Variants in NFRKB observed in about 807,000 individuals in gnomAD.
NFRKB encodes nuclear factor related to kappaB binding protein.
In NFRKB, 62 loss-of-function variants were observed where a neutral mutation model predicts 135.7. The observed-to-expected ratio is 0.46, with a 90% confidence interval of 0.37 to 0.56. The LOEUF is 0.56. Among genes scored for constraint, NFRKB ranks in the 20% least tolerant of loss-of-function variants. NFRKB has a pLI of 0.00. For synonymous variants in NFRKB, 678 were observed against 635.6 expected, an observed-to-expected ratio of 1.07 and a Z score of -1.00; for missense variants, 1,545 against 1,662.0, an observed-to-expected ratio of 0.93 and a Z score of 1.22.
intron 7 of NFRKB, 143 bp from the exon 8 acceptor site, chr11:129,884,286 T>C: frequency 1.2e-6 from 1 of 807,194 alleles, no homozygotes; most frequent in Non-Finnish European, 2.1e-6. Context: ...AGTCACAGGA[T>C]CGACACTTCC....
At position 129,874,298 on chromosome 11, in the gene NFRKB, A is replaced by G; in HGVS notation, c.2094T>C (p.Leu698=). ...SSSKESSIKV[L]SSGPSEQSQM... is the part of the protein sequence containing the mutation. ...GGCTCTGCTCAGAAGGGCCACTGCT[A>G]AGGACCTTTATGGAGCTCTCCTTGC... is the stretch of plus-strand genomic sequence containing the variant. Residue 698 remains leucine (L), a synonymous_variant, in exon 21 of 27, where the codon CTT becomes CTC. Coordinates refer to ENST00000682444, the MANE Select transcript of NFRKB (RefSeq NM_001143835.2). The surrounding 1 kb of genome is among the most constrained non-coding windows in gnomAD (Gnocchi z 4.5). 6.6e-7 allele frequency: 1 copy of G among 1,517,530 alleles called. No homozygotes were observed. Among genetic ancestry groups the G allele is most frequent in the South Asian group, 1.4e-5 (1 of 73,896 alleles). 94.0% of individuals were successfully genotyped at this position (1,517,530 alleles called of 1,614,324 possible).
intron 23 of NFRKB, 99 bp from the exon 24 acceptor site, chr11:129,870,360 ATT>A: frequency 7.1e-6 from 9 of 1,274,478 alleles, no homozygotes; most frequent in South Asian, 3.1e-5. Flanking sequence ...GATGTTTTGT[ATT>A]TTTTTTTTAA....
Position 129,882,194 on chromosome 11 carries a change from C to A in NFRKB, c.1083G>T (p.Glu361Asp), listed in dbSNP as rs1949060435. The A allele has an allele frequency of 1.3e-6, 2 of 1,596,178 alleles. No homozygotes were observed. Among genetic ancestry groups the A allele is most frequent in the Non-Finnish European group, 1.7e-6 (2 of 1,174,974 alleles). ...SPLAIPAIKEEPLEDLKPCLG... is the reference protein window; with the variant it reads ...SPLAIPAIKEDPLEDLKPCLG... The stretch of plus-strand genomic sequence containing the variant: ...GGCAAGGCTTGAGGTCTTCAAGGGG[C>A]CTAATGAGGGAAGAAAAATATAAGA... The change falls in exon 11 of 27, where the codon GAG (glutamate) becomes GAT (aspartate). Residue 361 changes from glutamate (E) to aspartate (D), a missense_variant and splice_region_variant. Glu to Asp is a conservative substitution (Grantham distance 45). This residue lies in a region of NFRKB where 678 missense variants were observed against 646.7 expected (regional missense o/e 1.05). Transcript: ENST00000682444.
chr11:129,869,991 C>T lies in NFRKB; in HGVS notation c.3034G>A (p.Val1012Ile), dbSNP rs1200100663. 1.2e-6 allele frequency: 2 copies of T among 1,614,212 alleles called. No individual in the cohort carries two copies. Among genetic ancestry groups the T allele is most frequent in the Middle Eastern group, 1.6e-4 (1 of 6,062 alleles). Residue 1012 changes from valine to isoleucine, a missense_variant, in exon 24 of 27, where the codon GTC becomes ATC. Val to Ile is a conservative substitution (Grantham distance 29). This residue lies in a region of NFRKB where 753 missense variants were observed against 804.3 expected (regional missense o/e 0.94). Coordinates refer to ENST00000682444, the MANE Select transcript of NFRKB (RefSeq NM_001143835.2). ...TGKGISATLH[V>I]TSNPVHAADS... ...GCTGCATGTACTGGATTGGAAGTGACGTGTAAGGTGGCAGAGATGCCTTTG... is the reference window on the plus strand; with the variant it reads ...GCTGCATGTACTGGATTGGAAGTGATGTGTAAGGTGGCAGAGATGCCTTTG...
In NFRKB at chr11:129,864,738, G is replaced by C; in HGVS notation, c.3887C>G (p.Pro1296Arg). 14 of 1,614,218 alleles carry C rather than the reference G, an allele frequency of 8.7e-6. No homozygotes were observed. Among genetic ancestry groups the C allele is most frequent in the Non-Finnish European group, 1.2e-5 (14 of 1,180,042 alleles). ...VTTAPSPKQA[P>R]EQQ Reference sequence around the variant, plus strand: ...CCTCTCTCATAATCATTGTTGCTCAGGTGCCTGTTTAGGAGACGGAGCTGT... The same window carrying C: ...CCTCTCTCATAATCATTGTTGCTCACGTGCCTGTTTAGGAGACGGAGCTGT... The change falls in exon 27 of 27, where the codon CCT (proline) becomes CGT (arginine). Residue 1296 changes from proline to arginine, a missense_variant. By Grantham distance (103) the Pro-to-Arg change is moderately radical. Coordinates refer to ENST00000682444, the MANE Select transcript of NFRKB (RefSeq NM_001143835.2).
intron 24 of NFRKB, among the ~76,000 whole-genome samples, chr11:129,868,452 C>T (rs146513893): frequency 6.6e-6 from 1 of 152,304 alleles, no homozygotes; most frequent in African/African-American, 2.4e-5. Flanking sequence ...TGCTTAAGGT[C>T]TAGGGGAAAC....
intron 24 of NFRKB, among the ~76,000 whole-genome samples, chr11:129,867,925 A>T (rs1367031083): frequency 6.6e-6 from 1 of 152,190 alleles, no homozygotes; most frequent in African/African-American, 2.4e-5. Context: ...ATAGTTGATT[A>T]TTTTGGCAAA....
chr11:129,864,198 A>C lies in NFRKB; in HGVS notation c.*527T>G, dbSNP rs1331676070. Reference sequence around the variant, plus strand: ...TGCCATTTTCTCATTCTAGTCAAAAAAGTAAGTCATCGGTTTAGTGGAGGG... The same window carrying C: ...TGCCATTTTCTCATTCTAGTCAAAACAGTAAGTCATCGGTTTAGTGGAGGG... On this transcript the variant is annotated 3_prime_UTR_variant, in exon 27 of 27. Coordinates refer to ENST00000682444, the MANE Select transcript of NFRKB (RefSeq NM_001143835.2). 6.6e-6 allele frequency: 1 copy of C among 152,622 alleles called. No homozygotes were observed. The highest frequency in any genetic ancestry group is 2.1e-4 in the South Asian group (1 of 4,842). 9.5% of individuals were successfully genotyped at this position (152,622 alleles called of 1,614,324 possible).
chr11:129,875,403 A>C lies in NFRKB; in HGVS notation c.1808T>G (p.Leu603Arg). 2 of 1,613,480 alleles carry C rather than the reference A, an allele frequency of 1.2e-6. No individual in the cohort carries two copies. The highest frequency in any genetic ancestry group is 1.7e-6 in the Non-Finnish European group (2 of 1,179,882). ...GEGTRAEICE[L>R]LKDSQFLAPD... The stretch of plus-strand genomic sequence containing the variant: ...TGCAAGAAACTGGGAGTCCTTAAGC[A>C]GTTCACAGATCTCTGCCCGTGTGCC... The change falls in exon 18 of 27, where the codon CTG becomes CGG. Residue 603 changes from leucine to arginine, a missense_variant. Leu to Arg is a moderately radical substitution (Grantham distance 102). Coordinates refer to ENST00000682444, the MANE Select transcript of NFRKB (RefSeq NM_001143835.2).
In NFRKB at chr11:129,874,484, C is replaced by A; in HGVS notation, c.2058+17G>T. 6.2e-7 allele frequency: 1 copy of A among 1,611,544 alleles called. No individual in the cohort carries two copies. On this transcript the variant is annotated intron_variant, in intron 20 of 26. Transcript: ENST00000682444. The surrounding 1 kb of genome is among the most constrained non-coding windows in gnomAD (Gnocchi z 4.5). ...TCCCAGAATCCCTAGGGCAGACACTCTCCTGAAGTCACTTACCACCTTGGA... is the reference window on the plus strand; with the variant it reads ...TCCCAGAATCCCTAGGGCAGACACTATCCTGAAGTCACTTACCACCTTGGA...
intron 3 of NFRKB, among the ~76,000 whole-genome samples, chr11:129,889,603 T>C (rs1210344281): frequency 2.2e-5 from 3 of 135,238 alleles, no homozygotes; most frequent in Non-Finnish European, 5.0e-5. Context: ...GGCATATATA[T>C]GGTCTGAGGT....
At chr11:129,879,856 T>C (rs1214371363) in intron 13 of NFRKB, among the ~76,000 whole-genome samples, 1 of 152,212 alleles carries the variant, frequency 6.6e-6, no homozygotes, top group Non-Finnish European at 1.5e-5. Context: ...CTACTGTCTA[T>C]TCAACAACTC....
In NFRKB at chr11:129,876,879, C is replaced by T; in HGVS notation, c.1589G>A (p.Ser530Asn). ...AAAGGTGAACGCCTTATGGGGTTGG[C>T]TATACCTGTAACGCTCCTACCAAGA... is the stretch of plus-strand genomic sequence containing the variant. Reference protein sequence around the residue: ...VFQEQERYRYSQPHKAFTFRM... With the variant: ...VFQEQERYRYNQPHKAFTFRM... Residue 530 changes from serine to asparagine, a missense_variant, in exon 17 of 27, where the codon AGC becomes AAC. Physicochemically the swap from Ser to Asn is conservative, Grantham distance 46. This residue lies in a region of NFRKB where 114 missense variants were observed against 211.0 expected (regional missense o/e 0.54). Coordinates refer to ENST00000682444, the MANE Select transcript of NFRKB (RefSeq NM_001143835.2). 6.2e-7 allele frequency: 1 copy of T among 1,613,972 alleles called. No individual in the cohort carries two copies.
chr11:129,890,800 G>A (rs1949526092), intron 3 of NFRKB, among the ~76,000 whole-genome samples: 1 of 152,156 alleles, frequency 6.6e-6, no homozygotes, highest in African/African-American at 2.4e-5. Flanking sequence ...CCATCCCAGG[G>A]CACGTACCAT....
chr11:129,864,682 C>T lies in NFRKB; in HGVS notation c.*43G>A, dbSNP rs1470073224. 2 of 1,612,856 alleles carry T rather than the reference C, an allele frequency of 1.2e-6. No homozygotes were observed. Among genetic ancestry groups the T allele is most frequent in the Non-Finnish European group, 1.7e-6 (2 of 1,179,618 alleles). ...CTCCCTGGTCCCTTCTCAGCCAGGA[C>T]AGACCAGGCATGGTCTTTCACGGAA... On this transcript the variant is annotated 3_prime_UTR_variant, in exon 27 of 27. Transcript: ENST00000682444.
Position 129,870,005 on chromosome 11 carries a change from G to C in NFRKB, c.3020C>G (p.Ser1007Cys). ...ATTGGAAGTGACGTGTAAGGTGGCA[G>C]AGATGCCTTTGCCTGTAGTGTTGCC... is the stretch of plus-strand genomic sequence containing the variant. ...TGGNTTGKGISATLHVTSNPV... is the reference protein window; with the variant it reads ...TGGNTTGKGICATLHVTSNPV... The change falls in exon 24 of 27, where the codon TCT becomes TGT. Residue 1007 changes from serine to cysteine, a missense_variant. Ser to Cys is a moderately radical substitution (Grantham distance 112). Transcript: ENST00000682444. 1 of 1,614,282 alleles carries C rather than the reference G, an allele frequency of 6.2e-7. No individual in the cohort carries two copies. The highest frequency in any genetic ancestry group is 8.5e-7 in the Non-Finnish European group (1 of 1,180,052).
At chr11:129,868,649 C>A (rs1174925396) in intron 24 of NFRKB, among the ~76,000 whole-genome samples, 1 of 152,216 alleles carries the variant, frequency 6.6e-6, no homozygotes, top group Admixed American at 6.5e-5. Context: ...TTTAGCAGAG[C>A]CCCTTCTACC....
chr11:129,885,511 G>A lies in NFRKB; in HGVS notation c.564C>T (p.Thr188=). 1 of 1,614,120 alleles carries A rather than the reference G, an allele frequency of 6.2e-7. No homozygotes were observed. ...TTAAGACCTTCAAGTAGCGCTGCTG[G>A]GTCCGCCACTCCCGCTCCTCAGGTG... ...SRTPEEREWR[T]QQRYLKVLRE... is the part of the protein sequence containing the mutation. The change falls in exon 6 of 27, where the codon ACC becomes ACT. Residue 188 remains threonine (T), a synonymous_variant. Transcript: ENST00000682444.
chr11:129,882,518 T>C lies in NFRKB; in HGVS notation c.1015A>G (p.Ser339Gly), dbSNP rs754412619. Residue 339 changes from serine to glycine, a missense_variant, in exon 10 of 27, where the codon AGT becomes GGT. By Grantham distance (56) the Ser-to-Gly change is moderately conservative (BLOSUM62 0). Transcript: ENST00000682444. ...EAEDLAEPLS[S>G]TEGVAPLSQA... Reference sequence around the variant, plus strand: ...GAGAGAGGTGCGACCCCTTCAGTACTGCTTAGCGGCTCGGCCAGGTCCTCT... The same window carrying C: ...GAGAGAGGTGCGACCCCTTCAGTACCGCTTAGCGGCTCGGCCAGGTCCTCT... The C allele has an allele frequency of 1.8e-5, 29 of 1,614,150 alleles. No homozygotes were observed. The highest frequency in any genetic ancestry group is 1.8e-5 in the Non-Finnish European group (21 of 1,179,974).
Sources: allele counts gnomAD v4.1 joint callset (sites outside exome capture counted in the v4.1 genomes callset), GRCh38; gene constraint gnomAD v4.1.1; regional missense constraint gnomAD v4.1.1; non-coding constraint Gnocchi (gnomAD v3.1); transcripts MANE v1.5; gene names NCBI Gene and HGNC (gene_info 2026-07-23, HGNC 2026-07-21).